SULF1: variants seen among roughly 807,000 people sequenced by gnomAD.
SULF1 encodes the protein extracellular sulfatase Sulf-1.
Under a neutral mutation model 110.5 loss-of-function variants are expected in SULF1, and 46 were observed. That is an observed-to-expected ratio of 0.42 (90% CI 0.33 to 0.53). The LOEUF (loss-of-function observed/expected upper bound fraction) is 0.53, where lower values mean the gene tolerates loss of function less well. Among genes scored for constraint, SULF1 ranks in the 20% least tolerant of loss-of-function variants. The pLI, the probability that SULF1 is intolerant of heterozygous loss-of-function variation, is 0.12. For missense variants in SULF1, 941 were observed against 1,094.2 expected (o/e 0.86, Z 1.98); for synonymous variants, 371 against 387.1 (o/e 0.96, Z 0.49).
chr8:69,633,789 T>C (rs530245381), intron 19 of SULF1, among the ~76,000 whole-genome samples: 46 of 152,296 alleles, frequency 3.0e-4, no homozygotes, highest in African/African-American at 1.1e-3. Flanking sequence ...ACGTTAGGTA[T>C]TTTTTAATGC....
intron 1 of SULF1, among the ~76,000 whole-genome samples, chr8:69,480,898 GA>G (rs1809491980): frequency 7.6e-6 from 1 of 131,388 alleles, no homozygotes; most frequent in African/African-American, 2.8e-5. Context: ...TGGGATGGGG[GA>G]GGGGGGAGGG....
intron 19 of SULF1, chr8:69,638,017 G>C (rs1014654885): frequency 6.0e-6 from 1 of 166,556 alleles, no homozygotes; most frequent in Non-Finnish European, 1.3e-5. Flanking sequence ...TGGGCTCAAG[G>C]CTTCTCTAAA....
At chr8:69,566,899 G>T (rs554107574) in intron 5 of SULF1, among the ~76,000 whole-genome samples, 1 of 152,310 alleles carries the variant, frequency 6.6e-6, no homozygotes, top group South Asian at 2.1e-4. Flanking sequence ...ACTCTAGGAA[G>T]TAGTTACTAT....
At chr8:69,499,891 A>G (rs1810669989) in intron 2 of SULF1, among the ~76,000 whole-genome samples, 1 of 152,120 alleles carries the variant, frequency 6.6e-6, no homozygotes, top group Non-Finnish European at 1.5e-5. Context: ...CTGATATTAC[A>G]GGTGCACACC....
intron 6 of SULF1, among the ~76,000 whole-genome samples, chr8:69,577,060 C>T (rs1198227570): frequency 6.6e-6 from 1 of 152,186 alleles, no homozygotes; most frequent in African/African-American, 2.4e-5. Context: ...GCCCTACGGG[C>T]ACTTAATACT....
intron 8 of SULF1, among the ~76,000 whole-genome samples, chr8:69,591,998 T>C (rs1188363344): frequency 6.6e-6 from 1 of 152,112 alleles, no homozygotes; most frequent in Admixed American, 6.5e-5. Context: ...ATATCACCAA[T>C]AGGGCCAGAA....
intron 22 of SULF1, among the ~76,000 whole-genome samples, chr8:69,646,239 T>C (rs990289665): frequency 9.2e-5 from 14 of 152,156 alleles, no homozygotes; most frequent in African/African-American, 1.4e-4. Flanking sequence ...TAAATAGTTA[T>C]GAGAATAGTT....
rs1479279378 is a variant in SULF1 at position 69,628,191 on chromosome 8, G to A, written c.2063G>A (p.Gly688Asp). ...TGCAGCTATTACAATAAAGAGAAAGGTGTAAAAAAGCAAGAGAAATTAAAG... is the reference window on the plus strand; with the variant it reads ...TGCAGCTATTACAATAAAGAGAAAGATGTAAAAAAGCAAGAGAAATTAAAG... ...SKQSYYNKEK[G>D]VKKQEKLKSH... Residue 688 changes from glycine to aspartate, a missense_variant, in exon 18 of 23, where the codon GGT (glycine) becomes GAT (aspartate). This residue lies in a region of SULF1 where 822 missense variants were observed against 934.3 expected (regional missense o/e 0.88). Transcript: ENST00000402687. 1.1e-5 allele frequency: 18 copies of A among 1,613,678 alleles called. No individual in the cohort carries two copies. Among genetic ancestry groups the A allele is most frequent in the Non-Finnish European group, 1.5e-5 (18 of 1,179,718 alleles).
At chr8:69,639,890 T>C (rs1028361160) in intron 21 of SULF1, among the ~76,000 whole-genome samples, 10 of 152,138 alleles carry the variant, frequency 6.6e-5, no homozygotes, top group African/African-American at 2.4e-4. Flanking sequence ...GGGAGTCCCC[T>C]AAGAAAATAT....
At position 69,628,237 on chromosome 8, in the gene SULF1, G is replaced by A. The variant is rs1306904934; in HGVS notation, c.2108+1G>A. 1.9e-6 allele frequency: 3 copies of A among 1,613,396 alleles called. No individual in the cohort carries two copies. Among genetic ancestry groups the A allele is most frequent in the Non-Finnish European group, 2.5e-6 (3 of 1,179,316 alleles). ...TAAAGAGCCATCTTCACCCATTCAA[G>A]TAAGTAACTCTCTGTTTTCCACATT... On this transcript the variant is annotated splice_donor_variant, in intron 18 of 22. Coordinates refer to ENST00000402687, the MANE Select transcript of SULF1 (RefSeq NM_001128205.2). LOFTEE classifies it high-confidence loss of function.
rs767243996 is a variant in SULF1 at position 69,603,202 on chromosome 8, A to G, written c.1072A>G (p.Ile358Val). Residue 358 changes from isoleucine (I) to valine (V), a missense_variant, in exon 11 of 23, where the codon ATC (isoleucine) becomes GTC (valine). Physicochemically the swap from Ile to Val is conservative, Grantham distance 29. Transcript: ENST00000402687. ...SVEPGSIVPQ[I>V]VLNIDLAPTI... Reference sequence around the variant, plus strand: ...TGTGCCCCTTTACAGAGTCCCACAGATCGTTCTCAACATTGACTTGGCCCC... The same window carrying G: ...TGTGCCCCTTTACAGAGTCCCACAGGTCGTTCTCAACATTGACTTGGCCCC... The G allele has an allele frequency of 6.2e-7, 1 of 1,614,128 alleles. No individual in the cohort carries two copies. The highest frequency in any genetic ancestry group is 8.5e-7 in the Non-Finnish European group (1 of 1,180,020).
chr8:69,649,077 G>A (rs1812139902), intron 22 of SULF1, among the ~76,000 whole-genome samples: 1 of 152,238 alleles, frequency 6.6e-6, no homozygotes, highest in African/African-American at 2.4e-5. Context: ...GCTTCCAAAC[G>A]ACCAAAGAAA....
chr8:69,478,867 T>C (rs1809407337), intron 1 of SULF1, among the ~76,000 whole-genome samples: 2 of 152,206 alleles, frequency 1.3e-5, no homozygotes, highest in Admixed American at 1.3e-4. Context: ...CAGTACATCC[T>C]AAAGGCCTTC....
chr8:69,558,585 T>A (rs1188698023), intron 3 of SULF1, among the ~76,000 whole-genome samples: 1 of 152,230 alleles, frequency 6.6e-6, no homozygotes, highest in Non-Finnish European at 1.5e-5. Flanking sequence ...CATCAACAAC[T>A]TTTATCTGAG....
intron 22 of SULF1, among the ~76,000 whole-genome samples, chr8:69,651,056 C>CTTTTTT (rs1473830022): frequency 5.1e-5 from 7 of 137,480 alleles, no homozygotes; most frequent in African/African-American, 2.0e-4. Context: ...TTTTTCTTTT[C>CTTTTTT]TTTTTTTTTT....
chr8:69,470,468 C>T (rs939140827), intron 1 of SULF1, among the ~76,000 whole-genome samples: 1 of 152,064 alleles, frequency 6.6e-6, no homozygotes, highest in Non-Finnish European at 1.5e-5. Context: ...CGCCAGTTAG[C>T]CTTTTTTTCC....
chr8:69,575,948 A>G, intron 5 of SULF1, 22 bp from the exon 6 acceptor site: 1 of 1,612,098 alleles, frequency 6.2e-7, no homozygotes, highest in Non-Finnish European at 8.5e-7. Context: ...TTGCTAAACA[A>G]TGCTGGCACT....
intron 13 of SULF1, among the ~76,000 whole-genome samples, chr8:69,619,779 G>A (rs548387893): frequency 2.0e-5 from 3 of 152,206 alleles, no homozygotes; most frequent in African/African-American, 7.2e-5. Context: ...CCTGATGAGA[G>A]GGGGAGCACG....
intron 1 of SULF1, 99 bp from the exon 2 acceptor site, chr8:69,495,666 A>G (rs1473724499): frequency 6.6e-6 from 1 of 152,262 alleles, no homozygotes; most frequent in African/African-American, 2.4e-5. Context: ...AGAAATGAGC[A>G]GAGACTAAAG....
Sources: allele counts gnomAD v4.1 joint callset (sites outside exome capture counted in the v4.1 genomes callset), GRCh38; gene constraint gnomAD v4.1.1; regional missense constraint gnomAD v4.1.1; transcripts MANE v1.5; gene names NCBI Gene and HGNC (gene_info 2026-07-23, HGNC 2026-07-21).